The following MBD5 variants were observed in gnomAD, a reference collection of about 807,000 sequenced individuals.
MBD5 encodes the protein methyl-CpG-binding domain protein 5.
Under a neutral mutation model 117.3 loss-of-function variants are expected in MBD5, and 13 were observed. That is an observed-to-expected ratio of 0.11 (90% CI 0.07 to 0.18). The LOEUF is 0.18. MBD5 is among the 10% of genes least tolerant of loss of function. The pLI is 1.00. For missense variants in MBD5, 1,879 were observed against 2,093.8 expected (o/e 0.90, Z 2.00); for synonymous variants, 727 against 766.4 (o/e 0.95, Z 0.85).
intron 3 of MBD5, among the ~76,000 whole-genome samples, chr2:148,284,098 T>G (rs1574237933): frequency 6.6e-6 from 1 of 152,200 alleles, no homozygotes; most frequent in African/African-American, 2.4e-5. Context: ...TATATACTAT[T>G]TTGCCCTTGC....
At chr2:148,251,410 C>A (rs1171609430) in intron 3 of MBD5, among the ~76,000 whole-genome samples, 2 of 152,022 alleles carry the variant, frequency 1.3e-5, no homozygotes, top group East Asian at 3.9e-4. Context: ...ACTCATCATT[C>A]TTATCATCAA....
At chr2:148,242,861 T>A (rs550074720) in intron 3 of MBD5, among the ~76,000 whole-genome samples, 1 of 152,292 alleles carries the variant, frequency 6.6e-6, no homozygotes, top group South Asian at 2.1e-4. Flanking sequence ...TTTGAATGTG[T>A]GTATGTATAG....
At chr2:148,224,110 G>T (rs765395464) in intron 2 of MBD5, among the ~76,000 whole-genome samples, 1 of 152,054 alleles carries the variant, frequency 6.6e-6, no homozygotes, top group Non-Finnish European at 1.5e-5. Context: ...TCAGTTTTTT[G>T]AATGTTTTAA....
intron 3 of MBD5, among the ~76,000 whole-genome samples, chr2:148,245,320 G>C (rs1700311561): frequency 6.6e-6 from 1 of 152,132 alleles, no homozygotes; most frequent in Non-Finnish European, 1.5e-5. Context: ...CCGCCTCCTG[G>C]GTTCAAGCGA....
At position 148,288,292 on chromosome 2, in the gene MBD5, T is replaced by C. The variant is rs916734488; in HGVS notation, c.-679-53922T>C. ...GCGGGCGCCTGTAGTCCCAGCTACTTGGGAGGCTGAGGCAGGAGAATGGCG... is the reference window on the plus strand; with the variant it reads ...GCGGGCGCCTGTAGTCCCAGCTACTCGGGAGGCTGAGGCAGGAGAATGGCG... On this transcript the variant is annotated intron_variant, in intron 3 of 13. Coordinates refer to ENST00000642680, the MANE Select transcript of MBD5 (RefSeq NM_001378120.1). Among the ~76,000 whole-genome samples the C allele has an allele frequency of 4.8e-4, 54 of 112,914 alleles. 3 individuals carry two copies. Among genetic ancestry groups the C allele is most frequent in the African/African-American group, 1.6e-3 (53 of 32,130 alleles). 74.1% of individuals were successfully genotyped at this position (112,914 alleles called of 152,430 possible).
At position 148,021,560 on chromosome 2, in the gene MBD5, G is replaced by A; in HGVS notation, c.-1049G>A. On this transcript the variant is annotated 5_prime_UTR_variant, in exon 1 of 14. Transcript: ENST00000642680. ...TGGAGACATCTCACTACACCCAGGA[G>A]CAGCCACTTCCCCAGCTCTCCTCCT... 3.7e-6 allele frequency: 2 copies of A among 546,034 alleles called. No individual in the cohort carries two copies. Among genetic ancestry groups the A allele is most frequent in the Non-Finnish European group, 7.1e-6 (2 of 283,488 alleles). The allele number at this position is 546,034 out of a possible 1,614,324, so 33.8% of individuals were successfully genotyped here.
chr2:148,305,351 G>T (rs1701868615), intron 3 of MBD5, among the ~76,000 whole-genome samples: 1 of 152,158 alleles, frequency 6.6e-6, no homozygotes. Context: ...TTCCTCATTT[G>T]GTAGAGGATG....
intron 2 of MBD5, among the ~76,000 whole-genome samples, chr2:148,226,002 G>C (rs985061557): frequency 4.6e-5 from 7 of 152,060 alleles, no homozygotes; most frequent in African/African-American, 1.7e-4. Flanking sequence ...TTATAGGTTT[G>C]GGAAGTTCTC....
At chr2:148,308,337 C>T (rs1253339945) in intron 3 of MBD5, among the ~76,000 whole-genome samples, 2 of 152,126 alleles carry the variant, frequency 1.3e-5, no homozygotes, top group African/African-American at 4.8e-5. Context: ...GCCATTCTAA[C>T]TGGCATGAGA....
intron 8 of MBD5, 146 bp downstream of exon 8, chr2:148,470,607 T>C (rs986934081): frequency 8.9e-6 from 6 of 677,784 alleles, no homozygotes; most frequent in Non-Finnish European, 1.4e-5. Flanking sequence ...TATAATTTTA[T>C]TTACAGAATG....
intron 11 of MBD5, 114 bp from the exon 12 acceptor site, chr2:148,502,322 T>C (rs1278040662): frequency 1.1e-6 from 1 of 893,152 alleles, no homozygotes; most frequent in Non-Finnish European, 1.8e-6. Flanking sequence ...GTAGTGAAGG[T>C]TAAGGCTCCC....
rs116476001 is a variant in MBD5, at chr2:148,369,452, A to G, written c.-557+27116A>G. ...TATCCCTGTTCTAAGGAAATGAAGTATTTAGGGGTAAATTGGAACATTGCT... is the reference window on the plus strand; with the variant it reads ...TATCCCTGTTCTAAGGAAATGAAGTGTTTAGGGGTAAATTGGAACATTGCT... On this transcript the variant is annotated intron_variant, in intron 4 of 13. Transcript: ENST00000642680. Among the ~76,000 whole-genome samples, 1,362 of 152,276 alleles carry G rather than the reference A, an allele frequency of 8.9e-3. 15 individuals carry two copies. The highest frequency in any genetic ancestry group is 0.024 in the Middle Eastern group (7 of 294).
intron 3 of MBD5, among the ~76,000 whole-genome samples, chr2:148,280,144 A>AAC (rs1376630997): frequency 7.9e-5 from 12 of 151,050 alleles, no homozygotes; most frequent in East Asian, 3.9e-4. Context: ...AAAAAAAAAA[A>AAC]AAAAAACAAA....
chr2:148,433,229 T>A (rs1205001296), intron 4 of MBD5, among the ~76,000 whole-genome samples: 1 of 152,156 alleles, frequency 6.6e-6, no homozygotes, highest in Non-Finnish European at 1.5e-5. Context: ...TCTGAAACTT[T>A]GCTTAATTTT....
intron 4 of MBD5, among the ~76,000 whole-genome samples, chr2:148,445,936 T>C (rs1020366407): frequency 4.6e-5 from 7 of 151,400 alleles, no homozygotes; most frequent in Non-Finnish European, 8.8e-5. Flanking sequence ...ATGTGTTCTT[T>C]TGAGAAGCGT....
chr2:148,416,731 A>G (rs1574401537), intron 4 of MBD5, among the ~76,000 whole-genome samples: 1 of 152,132 alleles, frequency 6.6e-6, no homozygotes, highest in African/African-American at 2.4e-5. Flanking sequence ...AGTAGTACAC[A>G]TTGTACTCCA....
chr2:148,357,807 G>A (rs1170161652), intron 4 of MBD5, among the ~76,000 whole-genome samples: 1 of 151,588 alleles, frequency 6.6e-6, no homozygotes, highest in Non-Finnish European at 1.5e-5. Flanking sequence ...ATAAAATTAT[G>A]TTTTTATTTT....
chr2:148,149,708 T>G (rs543227953), intron 1 of MBD5, among the ~76,000 whole-genome samples: 2 of 152,368 alleles, frequency 1.3e-5, no homozygotes, highest in East Asian at 1.9e-4. Flanking sequence ...GAGCATTTTT[T>G]CATATGTTAT....
rs547038119 is a variant in MBD5 at position 148,481,026 on chromosome 2, C to A, written c.2519-2084C>A. 1.9e-3 allele frequency among the ~76,000 whole-genome samples: 291 copies of A among 152,156 alleles called. 1 individual carries two copies. Among genetic ancestry groups the A allele is most frequent in the African/African-American group, 6.8e-3 (282 of 41,520 alleles). ...ACTAATGTCAATAATGATGATAACT[C>A]CTTTTATTTTTATAGACTTTTCCAT... On this transcript the variant is annotated intron_variant, in intron 8 of 13. Transcript: ENST00000642680.
Sources: gnomAD v4.1 joint callset for allele counts (sites outside exome capture counted in the v4.1 genomes callset) on GRCh38, gnomAD v4.1.1 for gene constraint, MANE v1.5 for transcripts, NCBI Gene and HGNC (gene_info 2026-07-23, HGNC 2026-07-21) for gene names.